FSIP2: variants seen among roughly 807,000 people sequenced by gnomAD.
The protein encoded by FSIP2 is fibrous sheath interacting protein 2.
FSIP2 carries 367 observed loss-of-function variants against 510.5 expected under a neutral mutation model. The ratio of observed to expected loss-of-function variants is 0.72; its 90% CI spans 0.66 to 0.78. The LOEUF (loss-of-function observed/expected upper bound fraction) is 0.78, where lower values mean the gene tolerates loss of function less well. FSIP2 is among the 30% of genes least tolerant of loss of function. FSIP2 has a pLI of 0.00. For synonymous variants in FSIP2, 2,601 were observed against 2,732.2 expected, an observed-to-expected ratio of 0.95 and a Z score of 1.50; for missense variants, 7,594 against 7,901.7, an observed-to-expected ratio of 0.96 and a Z score of 1.48.
At position 185,803,390 on chromosome 2, in the gene FSIP2, A is replaced by G; in HGVS notation, c.14084A>G (p.Lys4695Arg). The G allele has an allele frequency of 1.3e-6, 2 of 1,533,386 alleles. No homozygotes were observed. The highest frequency in any genetic ancestry group is 1.7e-4 in the Middle Eastern group (1 of 5,976). 95.0% of individuals were successfully genotyped at this position (1,533,386 alleles called of 1,614,324 possible). Reference sequence around the variant, plus strand: ...CCTCCAGTGGAGAGGGATGTAGTCAAAACAATTGTTGACATGGTGTACAGC... The same window carrying G: ...CCTCCAGTGGAGAGGGATGTAGTCAGAACAATTGTTGACATGGTGTACAGC... ...CLPPVERDVV[K>R]TIVDMVYSKV... The change falls in exon 17 of 23, where the codon AAA becomes AGA. Residue 4695 changes from lysine to arginine, a missense_variant. Physicochemically the swap from Lys to Arg is conservative, Grantham distance 26 (BLOSUM62 2). Coordinates refer to ENST00000424728, the MANE Select transcript of FSIP2 (RefSeq NM_173651.4).
chr2:185,801,418 G>C lies in FSIP2; in HGVS notation c.12112G>C (p.Val4038Leu), dbSNP rs752603468. 4.6e-6 allele frequency: 7 copies of C among 1,533,838 alleles called. No individual in the cohort carries two copies. In the South Asian group the frequency reaches 8.3e-5, roughly 18 times the overall value. Residue 4038 changes from valine to leucine, a missense_variant, in exon 17 of 23, where the codon GTT (valine) becomes CTT (leucine). Transcript: ENST00000424728. ...NAEERLCFPP[V>L]HTETVSKIVD... Reference sequence around the variant, plus strand: ...TGAAGAAAGGCTGTGTTTTCCACCAGTTCATACAGAAACTGTTAGCAAAAT... The same window carrying C: ...TGAAGAAAGGCTGTGTTTTCCACCACTTCATACAGAAACTGTTAGCAAAAT...
chr2:185,775,963 A>G (rs1692708035), intron 13 of FSIP2, among the ~76,000 whole-genome samples: 2 of 152,186 alleles, frequency 1.3e-5, no homozygotes, highest in Non-Finnish European at 2.9e-5. Context: ...GCACCTGGCC[A>G]GGTTTTTATT....
At position 185,805,934 on chromosome 2, in the gene FSIP2, C is replaced by T; in HGVS notation, c.16628C>T (p.Thr5543Ile). ...SENVSKVTST[T>I]TVKSKDTQEP... The stretch of plus-strand genomic sequence containing the variant: ...AATGTATCAAAAGTTACTTCAACTA[C>T]CACTGTGAAAAGTAAAGATACTCAG... Residue 5543 changes from threonine to isoleucine, a missense_variant, in exon 17 of 23, where the codon ACC becomes ATC. By Grantham distance (89) the Thr-to-Ile change is moderately conservative. Coordinates refer to ENST00000424728, the MANE Select transcript of FSIP2 (RefSeq NM_173651.4). 1 of 1,588,774 alleles carries T rather than the reference C, an allele frequency of 6.3e-7. No individual in the cohort carries two copies. The highest frequency in any genetic ancestry group is 8.5e-7 in the Non-Finnish European group (1 of 1,172,102).
chr2:185,745,588 A>C lies in FSIP2; in HGVS notation c.617+20A>C, dbSNP rs1190223394. On this transcript the variant is annotated intron_variant, in intron 5 of 22. Transcript: ENST00000424728. ...GCATAGGTAAGATTAAAGTTGAGGC[A>C]TATTTTATGGGTATGTTGTGGACCC... The C allele has an allele frequency of 6.6e-7, 1 of 1,523,594 alleles. No homozygotes were observed. Among genetic ancestry groups the C allele is most frequent in the East Asian group, 2.5e-5 (1 of 40,404 alleles). The allele number at this position is 1,523,594 out of a possible 1,614,324, so 94.4% of individuals were successfully genotyped here.
chr2:185,741,931 T>C lies in FSIP2; in HGVS notation c.226-1202T>C, dbSNP rs1691932375. Among the ~76,000 whole-genome samples, 5 of 152,302 alleles carry C rather than the reference T, an allele frequency of 3.3e-5. No homozygotes were observed. In the South Asian group the frequency reaches 1.0e-3, roughly 32 times the overall value. On this transcript the variant is annotated intron_variant, in intron 2 of 22. Transcript: ENST00000424728. ...GTGTTCAGGAATTGGACTGCAACTGTGGTTACGGCCAGACTGGAAACAGAG... is the reference window on the plus strand; with the variant it reads ...GTGTTCAGGAATTGGACTGCAACTGCGGTTACGGCCAGACTGGAAACAGAG...
rs1693480932 is a variant in FSIP2 at position 185,803,140 on chromosome 2, T to C, written c.13834T>C (p.Leu4612=). The C allele has an allele frequency of 1.3e-6, 2 of 1,523,940 alleles. No homozygotes were observed. Among genetic ancestry groups the C allele is most frequent in the African/African-American group, 2.8e-5 (2 of 72,214 alleles). The allele number at this position is 1,523,940 out of a possible 1,614,324, so 94.4% of individuals were successfully genotyped here. A position where few individuals can be genotyped will look rare whatever the true frequency, so the allele number is the denominator to read the frequency against. ...ATATTTTGATGATGAGAGAAGGCAG[T>C]TATTTTATACCAGTGTTTACTCTTC... ...DTYFDDERRQ[L]FYTSVYSSTF... Residue 4612 remains leucine (L), a synonymous_variant, in exon 17 of 23, where the codon TTA becomes CTA. Coordinates refer to ENST00000424728, the MANE Select transcript of FSIP2 (RefSeq NM_173651.4).
In FSIP2 at chr2:185,796,845, A is replaced by T. The variant is rs1452716290; in HGVS notation, c.9709A>T (p.Thr3237Ser). ...PDSETMPSCS[T>S]RNKVQDHRPR... is the part of the protein sequence containing the mutation. ...TTCAGAAACTATGCCATCGTGTTCT[A>T]CTAGAAACAAAGTACAAGACCACAG... Residue 3237 changes from threonine to serine, a missense_variant, in exon 16 of 23, where the codon ACT becomes TCT. Thr to Ser is a moderately conservative substitution (Grantham distance 58, BLOSUM62 1). Transcript: ENST00000424728. The T allele has an allele frequency of 1.3e-6, 2 of 1,535,068 alleles. No homozygotes were observed. Among genetic ancestry groups the T allele is most frequent in the East Asian group, 4.9e-5 (2 of 40,854 alleles).
chr2:185,793,698 A>C lies in FSIP2; in HGVS notation c.6562A>C (p.Thr2188Pro). 1 of 1,534,790 alleles carries C rather than the reference A, an allele frequency of 6.5e-7. No individual in the cohort carries two copies. The highest frequency in any genetic ancestry group is 8.7e-7 in the Non-Finnish European group (1 of 1,145,854). The change falls in exon 16 of 23, where the codon ACA becomes CCA. Residue 2188 changes from threonine (T) to proline (P), a missense_variant. Thr to Pro is a conservative substitution (Grantham distance 38). Coordinates refer to ENST00000424728, the MANE Select transcript of FSIP2 (RefSeq NM_173651.4). The part of the protein sequence containing the change: ...KNPTSARLPL[T>P]FCDTFPKIDC... Reference sequence around the variant, plus strand: ...TCCTACTTCTGCAAGATTGCCCCTGACATTTTGTGATACGTTTCCAAAAAT... The same window carrying C: ...TCCTACTTCTGCAAGATTGCCCCTGCCATTTTGTGATACGTTTCCAAAAAT...
At chr2:185,767,538 T>C (rs1043436497) in intron 13 of FSIP2, among the ~76,000 whole-genome samples, 1 of 152,108 alleles carries the variant, frequency 6.6e-6, no homozygotes, top group African/African-American at 2.4e-5. Flanking sequence ...TCATGCCGTT[T>C]TTAGTCTTTC....
chr2:185,753,005 A>G (rs1363202246), intron 7 of FSIP2, among the ~76,000 whole-genome samples: 1 of 151,340 alleles, frequency 6.6e-6, no homozygotes, highest in Non-Finnish European at 1.5e-5. Context: ...GGTGAGAGCC[A>G]TATTTTATCT....
At chr2:185,785,395 C>T (rs1175716439) in intron 14 of FSIP2, among the ~76,000 whole-genome samples, 1 of 151,990 alleles carries the variant, frequency 6.6e-6, no homozygotes. Context: ...AGTTTTCAGT[C>T]TGGCTATTTC....
chr2:185,805,835 T>G lies in FSIP2; in HGVS notation c.16529T>G (p.Leu5510Trp). 6.2e-7 allele frequency: 1 copy of G among 1,607,888 alleles called. No individual in the cohort carries two copies. The highest frequency in any genetic ancestry group is 1.3e-5 in the African/African-American group (1 of 74,626). The stretch of plus-strand genomic sequence containing the variant: ...GGCATGATTAACCTAACATCAGGGT[T>G]GGCTACAGGTGTGACAAATAAAAAG... ...KSGMINLTSG[L>W]ATGVTNKKEV... The change falls in exon 17 of 23, where the codon TTG becomes TGG. Residue 5510 changes from leucine to tryptophan, a missense_variant. Coordinates refer to ENST00000424728, the MANE Select transcript of FSIP2 (RefSeq NM_173651.4).
chr2:185,833,105 A>G lies in FSIP2; in HGVS notation c.20603A>G (p.Asp6868Gly), dbSNP rs530571675. ...TTGTCCACAGAAACTCCCAAGCCCGATGTCTCCAAACAAGGATCTAAAATG... is the reference window on the plus strand; with the variant it reads ...TTGTCCACAGAAACTCCCAAGCCCGGTGTCTCCAAACAAGGATCTAAAATG... The part of the protein sequence containing the change: ...KEVISETPKP[D>G]VSKQGSKMLT... The change falls in exon 23 of 23, where the codon GAT becomes GGT. Residue 6868 changes from aspartate to glycine, a missense_variant. Asp to Gly is a moderately conservative substitution (Grantham distance 94). Coordinates refer to ENST00000424728, the MANE Select transcript of FSIP2 (RefSeq NM_173651.4). The G allele has an allele frequency of 1.9e-6, 3 of 1,610,748 alleles. No individual in the cohort carries two copies. The highest frequency in any genetic ancestry group is 4.5e-5 in the East Asian group (2 of 44,732).
Position 185,747,312 on chromosome 2 carries a change from G to C in FSIP2, c.760-1G>C, listed in dbSNP as rs1174398029. The stretch of plus-strand genomic sequence containing the variant: ...AAGTGCAGTAACATTGTGATTTCTA[G>C]GAATGGAAGACAAAAGAGATGTTAC... On this transcript the variant is annotated splice_acceptor_variant, in intron 6 of 22. Transcript: ENST00000424728. LOFTEE classifies it high-confidence loss of function. 6.7e-7 allele frequency: 1 copy of C among 1,493,308 alleles called. No homozygotes were observed. Among genetic ancestry groups the C allele is most frequent in the Admixed American group, 2.0e-5 (1 of 50,868 alleles). 92.5% of individuals were successfully genotyped at this position (1,493,308 alleles called of 1,614,324 possible). A position where few individuals can be genotyped will look rare whatever the true frequency, so the allele number is the denominator to read the frequency against.
At chr2:185,746,387 CAAAATG>C (rs1559009406) in intron 5 of FSIP2, among the ~76,000 whole-genome samples, 1 of 151,896 alleles carries the variant, frequency 6.6e-6, no homozygotes, top group African/African-American at 2.4e-5. Flanking sequence ...GCTTACTGTG[CAAAATG>C]TTTTGAGTAA....
chr2:185,754,228 G>A (rs1692200237), intron 8 of FSIP2, among the ~76,000 whole-genome samples: 1 of 151,206 alleles, frequency 6.6e-6, no homozygotes, highest in African/African-American at 2.4e-5. Context: ...AAAGAAGGAA[G>A]AAATAAATGA....
chr2:185,804,293 T>G lies in FSIP2; in HGVS notation c.14987T>G (p.Phe4996Cys). ...TTGGTAAATTCAATTGTTCTGGAGT[T>G]CACCACATCAGAGATTTTAGTTGCA... ...TTLVNSIVLE[F>C]TTSEILVADN... Residue 4996 changes from phenylalanine (F) to cysteine (C), a missense_variant, in exon 17 of 23, where the codon TTC becomes TGC. Physicochemically the swap from Phe to Cys is radical, Grantham distance 205. Transcript: ENST00000424728. 1 of 1,524,572 alleles carries G rather than the reference T, an allele frequency of 6.6e-7. No individual in the cohort carries two copies. The highest frequency in any genetic ancestry group is 1.4e-5 in the African/African-American group (1 of 72,438). The allele number at this position is 1,524,572 out of a possible 1,614,324, so 94.4% of individuals were successfully genotyped here. A position where few individuals can be genotyped will look rare whatever the true frequency, so the allele number is the denominator to read the frequency against.
At position 185,789,696 on chromosome 2, in the gene FSIP2, C is replaced by A. The variant is rs1394392350; in HGVS notation, c.2560C>A (p.Gln854Lys). Residue 854 changes from glutamine to lysine, a missense_variant, in exon 16 of 23, where the codon CAG becomes AAG. Gln to Lys is a moderately conservative substitution (Grantham distance 53). Transcript: ENST00000424728. Reference sequence around the variant, plus strand: ...TAAAGACACAAATAAGCTTTCCTGCCAGCAACATAAGACAGACCCAATATG... The same window carrying A: ...TAAAGACACAAATAAGCTTTCCTGCAAGCAACATAAGACAGACCCAATATG... Reference protein sequence around the residue: ...HLKDTNKLSCQQHKTDPICMF... With the variant: ...HLKDTNKLSCKQHKTDPICMF... 6.5e-7 allele frequency: 1 copy of A among 1,533,824 alleles called. No individual in the cohort carries two copies. The highest frequency in any genetic ancestry group is 2.0e-5 in the Admixed American group (1 of 50,712).
rs965560806 is a variant in FSIP2, at chr2:185,794,963, C to T, written c.7827C>T (p.Asp2609=). ...TATCACAGGCTTATTCTTATGTCGA[C>T]AGTCAAAATATCTCTGTGATGGAAA... ...YAISQAYSYV[D]SQNISVMENT... is the part of the protein sequence containing the mutation. Residue 2609 remains aspartate, a synonymous_variant, in exon 16 of 23, where the codon GAC becomes GAT. Coordinates refer to ENST00000424728, the MANE Select transcript of FSIP2 (RefSeq NM_173651.4). 4 of 1,533,030 alleles carry T rather than the reference C, an allele frequency of 2.6e-6. No individual in the cohort carries two copies. Among genetic ancestry groups the T allele is most frequent in the African/African-American group, 1.4e-5 (1 of 72,802 alleles). 95.0% of individuals were successfully genotyped at this position (1,533,030 alleles called of 1,614,324 possible).
Sources: gnomAD v4.1 joint callset for allele counts (sites outside exome capture counted in the v4.1 genomes callset) on GRCh38, gnomAD v4.1.1 for gene constraint, MANE v1.5 for transcripts, NCBI Gene and HGNC (gene_info 2026-07-23, HGNC 2026-07-21) for gene names.